NLGN1: variants seen among roughly 807,000 people sequenced by gnomAD.
NLGN1 encodes the protein neuroligin-1.
NLGN1 carries 12 observed loss-of-function variants against 65.5 expected under a neutral mutation model. The observed-to-expected ratio is 0.18, with a 90% CI of 0.12 to 0.30. The LOEUF is 0.30. Among genes scored for constraint, NLGN1 ranks in the 10% least tolerant of loss-of-function variants. The pLI is 1.00. For missense variants in NLGN1, 750 were observed against 1,007.1 expected (o/e 0.74, Z 3.46); for synonymous variants, 350 against 359.5 (o/e 0.97, Z 0.30).
intron 4 of NLGN1, among the ~76,000 whole-genome samples, chr3:173,898,059 T>C (rs1039562332): frequency 6.6e-6 from 1 of 152,242 alleles, no homozygotes; most frequent in African/African-American, 2.4e-5. Flanking sequence ...AAAGTTTCTG[T>C]CTTGAAAATT....
rs180953719 is a variant in NLGN1, at chr3:173,825,586, A to G, written c.646+17754A>G. On this transcript the variant is annotated intron_variant, in intron 4 of 6. Coordinates refer to ENST00000457714, the Ensembl canonical transcript of NLGN1. The stretch of plus-strand genomic sequence containing the variant: ...TTACATTGTGTTCTCCAAAGCTCAC[A>G]TAGTTCCCAACGAAATTAGTGGAAG... 1.5e-3 allele frequency among the ~76,000 whole-genome samples: 223 copies of G among 152,214 alleles called. 1 individual carries two copies. Among genetic ancestry groups the G allele is most frequent in the African/African-American group, 5.0e-3 (209 of 41,568 alleles).
chr3:173,788,189 C>A (rs1578433175), intron 3 of NLGN1, among the ~76,000 whole-genome samples: 1 of 135,486 alleles, frequency 7.4e-6, no homozygotes. Flanking sequence ...TGCTATAAAC[C>A]CAGACTTGAC....
intron 4 of NLGN1, among the ~76,000 whole-genome samples, chr3:173,942,109 GGT>G (rs1050946666): frequency 0.014 from 1,989 of 143,796 alleles, 32 homozygotes; most frequent in African/African-American, 0.033. Flanking sequence ...GGTGGTTGGG[GGT>G]GTGTGTGTGT....
At chr3:173,752,701 T>C (rs866623772) in intron 3 of NLGN1, among the ~76,000 whole-genome samples, 10 of 152,114 alleles carry the variant, frequency 6.6e-5, no homozygotes, top group Non-Finnish European at 7.4e-5. Flanking sequence ...CTAAACCACA[T>C]TGAATGGGTC....
chr3:173,702,379 G>A (rs1431740916), intron 3 of NLGN1, among the ~76,000 whole-genome samples: 2 of 151,130 alleles, frequency 1.3e-5, no homozygotes, highest in African/African-American at 2.5e-5. Flanking sequence ...CAGACTAGGC[G>A]ATCTGTAGTG....
At chr3:173,969,896 G>A (rs1715798306) in intron 4 of NLGN1, among the ~76,000 whole-genome samples, 1 of 151,320 alleles carries the variant, frequency 6.6e-6, no homozygotes. Flanking sequence ...TTTCTGCATG[G>A]AGAAGATATT....
intron 3 of NLGN1, among the ~76,000 whole-genome samples, chr3:173,639,136 T>G (rs1011837909): frequency 6.6e-6 from 1 of 152,204 alleles, no homozygotes; most frequent in African/African-American, 2.4e-5. Flanking sequence ...GTTTGCTTCC[T>G]CACCCTAAAT....
At chr3:173,539,742 GTACATATATAACATATACAT>G (rs1560407111) in intron 2 of NLGN1, among the ~76,000 whole-genome samples, 7 of 133,232 alleles carry the variant, frequency 5.3e-5, no homozygotes, top group African/African-American at 2.8e-5. Flanking sequence ...ATACATATAT[GTACATATATAACATATACAT>G]GTACATATAT....
intron 4 of NLGN1, among the ~76,000 whole-genome samples, chr3:174,152,024 T>A (rs1724457710): frequency 6.6e-6 from 1 of 152,158 alleles, no homozygotes; most frequent in South Asian, 2.1e-4. Context: ...CCTTTGCGTA[T>A]CTGTTCTAAT....
chr3:174,052,701 T>G lies in NLGN1; in HGVS notation c.647-222614T>G, dbSNP rs1292868594. Among the ~76,000 whole-genome samples the G allele has an allele frequency of 2.6e-5, 4 of 152,056 alleles. No homozygotes were observed. The East Asian group carries it at 7.7e-4, about 29-fold the overall frequency. On this transcript the variant is annotated intron_variant, in intron 4 of 6. Coordinates refer to ENST00000457714, the Ensembl canonical transcript of NLGN1. ...TACTAGTCTATTTAATAGGACAAAG[T>G]GATTAGGTGCTTCTATTTGAGAGTG...
intron 4 of NLGN1, among the ~76,000 whole-genome samples, chr3:173,854,774 A>G (rs1727634231): frequency 6.6e-6 from 1 of 152,114 alleles, no homozygotes; most frequent in Non-Finnish European, 1.5e-5. Context: ...GCATAGAAAT[A>G]GAAGGAGACA....
intron 4 of NLGN1, among the ~76,000 whole-genome samples, chr3:173,975,887 G>A (rs943774957): frequency 6.6e-6 from 1 of 151,982 alleles, no homozygotes; most frequent in Non-Finnish European, 1.5e-5. Context: ...TTTCTTGAGG[G>A]CAGTCATATG....
At chr3:173,688,960 C>CT (rs1405412252) in intron 3 of NLGN1, among the ~76,000 whole-genome samples, 3 of 152,132 alleles carry the variant, frequency 2.0e-5, no homozygotes, top group Non-Finnish European at 4.4e-5. Context: ...CATTTAGTGT[C>CT]TGCATTTAGT....
chr3:173,833,528 T>A (rs1186655972), intron 4 of NLGN1, among the ~76,000 whole-genome samples: 1 of 152,136 alleles, frequency 6.6e-6, no homozygotes, highest in African/African-American at 2.4e-5. Context: ...TTTTATTTAT[T>A]TATTTTTTTG....
intron 4 of NLGN1, among the ~76,000 whole-genome samples, chr3:173,888,214 T>G (rs576873566): frequency 6.6e-6 from 1 of 151,954 alleles, no homozygotes; most frequent in African/African-American, 2.4e-5. Flanking sequence ...CACAGTGAGA[T>G]ACAGTCATCC....
chr3:173,406,917 C>G (rs976535562), intron 1 of NLGN1, among the ~76,000 whole-genome samples: 5 of 151,992 alleles, frequency 3.3e-5, no homozygotes, highest in African/African-American at 1.2e-4. Context: ...GAAAATCCTT[C>G]TTTTTTATTT....
At chr3:173,889,529 C>T (rs1471622025) in intron 4 of NLGN1, among the ~76,000 whole-genome samples, 3 of 152,046 alleles carry the variant, frequency 2.0e-5, no homozygotes, top group African/African-American at 7.2e-5. Context: ...TAGTCTGTTT[C>T]CTTTTAAAAG....
chr3:173,494,883 TG>T (rs1201632257), intron 2 of NLGN1, among the ~76,000 whole-genome samples: 1 of 151,894 alleles, frequency 6.6e-6, no homozygotes, highest in African/African-American at 2.4e-5. Context: ...CTGATCTATT[TG>T]GCCAGTATCA....
chr3:173,731,434 G>C (rs1436998900), intron 3 of NLGN1, among the ~76,000 whole-genome samples: 1 of 151,976 alleles, frequency 6.6e-6, no homozygotes, highest in East Asian at 1.9e-4. Context: ...TAGGACTTTG[G>C]ATCCAGGTCC....
Sources: gnomAD v4.1 joint callset for allele counts (sites outside exome capture counted in the v4.1 genomes callset) on GRCh38, gnomAD v4.1.1 for gene constraint, MANE v1.5 for transcripts, NCBI Gene and HGNC (gene_info 2026-07-23, HGNC 2026-07-21) for gene names.